The following WASL variants were observed in gnomAD, a reference collection of about 807,000 sequenced individuals.
WASL encodes the protein WASP like actin nucleation promoting factor, also known as actin nucleation-promoting factor WASL.
WASL carries 20 observed loss-of-function variants against 55.5 expected under a neutral mutation model. The ratio of observed to expected loss-of-function variants is 0.36; its 90% CI spans 0.25 to 0.52. The LOEUF is 0.52. Among genes scored for constraint, WASL ranks in the 20% least tolerant of loss-of-function variants. The pLI is 0.92. For missense variants in WASL, 504 were observed against 622.5 expected (o/e 0.81, Z 2.03); for synonymous variants, 249 against 217.6 (o/e 1.14, Z -1.27).
intron 1 of WASL, among the ~76,000 whole-genome samples, chr7:123,745,330 C>A (rs921731876): frequency 6.6e-6 from 1 of 152,130 alleles, no homozygotes; most frequent in African/African-American, 2.4e-5. Context: ...CTGCCTCCAC[C>A]TTTCCCCTGA....
intron 2 of WASL, among the ~76,000 whole-genome samples, chr7:123,707,226 G>C (rs1803685812): frequency 6.6e-6 from 1 of 152,092 alleles, no homozygotes. Context: ...GCAATATTTA[G>C]ACAATGTACT....
chr7:123,704,265 G>C (rs576453480), intron 5 of WASL, among the ~76,000 whole-genome samples: 2 of 152,216 alleles, frequency 1.3e-5, no homozygotes, highest in Admixed American at 1.3e-4. Flanking sequence ...AAATATTCTA[G>C]ACAAAATGTA....
chr7:123,700,302 A>C (rs1803567215), intron 5 of WASL, among the ~76,000 whole-genome samples: 1 of 151,508 alleles, frequency 6.6e-6, no homozygotes, highest in Admixed American at 6.6e-5. Context: ...TCTTTTCAAA[A>C]TTGCCTTTCA....
chr7:123,743,792 T>A (rs1393465536), intron 1 of WASL, among the ~76,000 whole-genome samples: 1 of 152,208 alleles, frequency 6.6e-6, no homozygotes, highest in Non-Finnish European at 1.5e-5. Context: ...AATCTAGACA[T>A]GAAGGCTGAG....
chr7:123,738,769 A>G (rs941410670), intron 1 of WASL, among the ~76,000 whole-genome samples: 3 of 151,626 alleles, frequency 2.0e-5, no homozygotes, highest in Admixed American at 6.6e-5. Context: ...TTTTTTTGCT[A>G]TACATCAGGG....
chr7:123,733,062 T>C (rs139083478), intron 1 of WASL, among the ~76,000 whole-genome samples: 39 of 152,302 alleles, frequency 2.6e-4, no homozygotes, highest in African/African-American at 8.9e-4. Context: ...ACCCCATACT[T>C]ACTGGAGAAA....
chr7:123,692,221 A>T, intron 9 of WASL, 126 bp downstream of exon 9: 10 of 1,303,680 alleles, frequency 7.7e-6, no homozygotes, highest in Non-Finnish European at 1.0e-5. Flanking sequence ...TTTTAAATTT[A>T]TAGGGTTAAG....
intron 7 of WASL, among the ~76,000 whole-genome samples, 187 bp downstream of exon 7, chr7:123,695,636 C>A (rs1803478232): frequency 6.6e-6 from 1 of 151,944 alleles, no homozygotes; most frequent in Non-Finnish European, 1.5e-5. Flanking sequence ...TAGTCTAAGT[C>A]TTTAGAGACT....
chr7:123,706,851 TAAG>T, intron 2 of WASL, 25 bp from the exon 3 acceptor site: 1 of 1,384,758 alleles, frequency 7.2e-7, no homozygotes, highest in Non-Finnish European at 9.9e-7. Flanking sequence ...AAAATTAAAA[TAAG>T]AACTACCAAA....
chr7:123,718,203 A>G (rs1321416943), intron 1 of WASL, among the ~76,000 whole-genome samples: 3 of 152,202 alleles, frequency 2.0e-5, no homozygotes, highest in Admixed American at 2.0e-4. Flanking sequence ...CACCAAATAA[A>G]CATTCACTTT....
intron 1 of WASL, among the ~76,000 whole-genome samples, chr7:123,746,782 T>C (rs1804437600): frequency 1.3e-5 from 2 of 152,266 alleles, no homozygotes; most frequent in African/African-American, 4.8e-5. Flanking sequence ...TCTGCCATTT[T>C]TCGAAACCAG....
chr7:123,706,707 G>C, intron 3 of WASL, 33 bp downstream of exon 3: 1 of 1,432,456 alleles, frequency 7.0e-7, no homozygotes, highest in Non-Finnish European at 9.6e-7. Context: ...AATGAAAAAA[G>C]TAAAGATGGC....
At chr7:123,747,605 G>C (rs980345602) in intron 1 of WASL, among the ~76,000 whole-genome samples, 2 of 152,090 alleles carry the variant, frequency 1.3e-5, no homozygotes, top group African/African-American at 4.8e-5. Flanking sequence ...TGAAATTTCC[G>C]TGTTTTCTGG....
At chr7:123,701,934 A>G in intron 5 of WASL, among the ~76,000 whole-genome samples, 1 of 124,052 alleles carries the variant, frequency 8.1e-6, no homozygotes, top group Non-Finnish European at 1.6e-5. Flanking sequence ...TTTGTCCTTT[A>G]ACAACACTAT....
In WASL at chr7:123,748,598, C is replaced by T. The variant is rs1320070306; in HGVS notation, c.117+20G>A. The T allele has an allele frequency of 1.2e-6, 2 of 1,611,534 alleles. No homozygotes were observed. Among genetic ancestry groups the T allele is most frequent in the Non-Finnish European group, 1.7e-6 (2 of 1,178,336 alleles). On this transcript the variant is annotated intron_variant, in intron 1 of 10. Transcript: ENST00000223023. ...CGTGAGGTAATGTCACGGGTGGCGA[C>T]GCGGGTCTCGTCCACTGACCACACA...
chr7:123,713,353 A>G (rs1342287563), intron 1 of WASL, among the ~76,000 whole-genome samples: 1 of 151,992 alleles, frequency 6.6e-6, no homozygotes, highest in Non-Finnish European at 1.5e-5. Context: ...CAGTCTAACT[A>G]TGTTACGCAG....
chr7:123,745,872 G>A (rs914832841), intron 1 of WASL, among the ~76,000 whole-genome samples: 1 of 152,126 alleles, frequency 6.6e-6, no homozygotes, highest in Non-Finnish European at 1.5e-5. Context: ...GGGAGTACCT[G>A]TTTAAATATA....
intron 2 of WASL, among the ~76,000 whole-genome samples, 154 bp downstream of exon 2, chr7:123,708,935 G>A (rs117221010): frequency 0.021 from 3,224 of 151,720 alleles, 59 homozygotes; most frequent in Non-Finnish European, 0.033. Context: ...CATGATTTCC[G>A]TATGCAATAT....
At chr7:123,726,590 A>C (rs1402938610) in intron 1 of WASL, among the ~76,000 whole-genome samples, 1 of 152,208 alleles carries the variant, frequency 6.6e-6, no homozygotes, top group African/African-American at 2.4e-5. Context: ...AATTAGGGCC[A>C]GGTGTGGTGG....
Sources: gnomAD v4.1 joint callset for allele counts (sites outside exome capture counted in the v4.1 genomes callset) on GRCh38, gnomAD v4.1.1 for gene constraint, MANE v1.5 for transcripts, NCBI Gene and HGNC (gene_info 2026-07-23, HGNC 2026-07-21) for gene names.